The following ICAM3 variants were observed in gnomAD, a reference collection of about 807,000 sequenced individuals.
The protein encoded by ICAM3 is ICAM-3.
A neutral mutation model predicts 43.6 loss-of-function variants in ICAM3; 54 were observed. The observed-to-expected ratio is 1.24, with a 90% confidence interval of 0.99 to 1.55. The LOEUF (loss-of-function observed/expected upper bound fraction) is 1.55. ICAM3 is among the 40% of genes most tolerant of loss of function. The pLI is 0.00. For missense variants in ICAM3, 715 were observed against 717.9 expected (o/e 1.00, Z 0.05); for synonymous variants, 306 against 312.6 (o/e 0.98, Z 0.22).
chr19:10,335,876 G>T lies in ICAM3; in HGVS notation c.444C>A (p.Thr148=). ...AGCGAAGCAGCACCACCGTGAGGCT[G>T]GTCCGGGGCGACCCATCCTCCACTT... ...RCQVEDGSPR[T]SLTVVLLRWE... The change falls in exon 3 of 7, where the codon ACC becomes ACA. Residue 148 remains threonine, a synonymous_variant. Coordinates refer to ENST00000160262, the MANE Select transcript of ICAM3 (RefSeq NM_002162.5). 1 of 1,606,780 alleles carries T rather than the reference G, an allele frequency of 6.2e-7. No individual in the cohort carries two copies.
intron 2 of ICAM3, among the ~76,000 whole-genome samples, 200 bp downstream of exon 2, chr19:10,338,482 G>A (rs138387368): frequency 7.8e-4 from 119 of 151,774 alleles, no homozygotes; most frequent in Non-Finnish European, 7.2e-4. Flanking sequence ...ATTGAGATGC[G>A]TCTCTATATC....
Position 10,334,731 on chromosome 19 carries a change from G to T in ICAM3, c.989C>A (p.Ser330Tyr). 6.2e-7 allele frequency: 1 copy of T among 1,612,788 alleles called. No homozygotes were observed. Among genetic ancestry groups the T allele is most frequent in the Non-Finnish European group, 8.5e-7 (1 of 1,179,634 alleles). Residue 330 changes from serine to tyrosine, a missense_variant, in exon 5 of 7, where the codon TCC (serine) becomes TAC (tyrosine). Transcript: ENST00000160262. This position sits in a 1 kb window ranked among gnomAD's most constrained non-coding sequence, Gnocchi z 5.5. ...NLSEPTAHEG[S>Y]TVTVSCMAGA... ...AGCCATGCAACTCACGGTCACTGTG[G>T]ACCCCTCATGGGCGGTGGGCTCGCT...
rs911015578 is a variant in ICAM3, at chr19:10,335,879, C to G, written c.441G>C (p.Arg147=). The change falls in exon 3 of 7, where the codon CGG becomes CGC. Residue 147 remains arginine, a synonymous_variant. Coordinates refer to ENST00000160262, the MANE Select transcript of ICAM3 (RefSeq NM_002162.5). ...LRCQVEDGSP[R]TSLTVVLLRW... ...GAAGCAGCACCACCGTGAGGCTGGTCCGGGGCGACCCATCCTCCACTTGGC... is the reference window on the plus strand; with the variant it reads ...GAAGCAGCACCACCGTGAGGCTGGTGCGGGGCGACCCATCCTCCACTTGGC... The G allele has an allele frequency of 1.9e-6, 3 of 1,605,844 alleles. No homozygotes were observed. The highest frequency in any genetic ancestry group is 2.5e-6 in the Non-Finnish European group (3 of 1,178,588).
intron 1 of ICAM3, 193 bp downstream of exon 1, chr19:10,339,346 C>A: frequency 1.7e-6 from 1 of 593,328 alleles, no homozygotes; most frequent in South Asian, 2.0e-5. Flanking sequence ...AGAGGGATGG[C>A]GTACAAGCCT....
intron 2 of ICAM3, among the ~76,000 whole-genome samples, chr19:10,337,432 G>A (rs745474418): frequency 0.19 from 20,877 of 108,078 alleles, 1,884 homozygotes; most frequent in Non-Finnish European, 0.23. Context: ...AAAAAAAAAA[G>A]AAAAGAAAAG....
chr19:10,334,516 T>C lies in ICAM3; in HGVS notation c.1192+12A>G. Reference sequence around the variant, plus strand: ...GGGGTGGAGGGATTAAAGGTCAGGGTGACCGACTCACACAGGACTCGCAGC... The same window carrying C: ...GGGGTGGAGGGATTAAAGGTCAGGGCGACCGACTCACACAGGACTCGCAGC... On this transcript the variant is annotated intron_variant, in intron 5 of 6. Coordinates refer to ENST00000160262, the MANE Select transcript of ICAM3 (RefSeq NM_002162.5). The surrounding 1 kb of genome is among the most constrained non-coding windows in gnomAD (Gnocchi z 5.5). 1 of 1,602,904 alleles carries C rather than the reference T, an allele frequency of 6.2e-7. No homozygotes were observed. The highest frequency in any genetic ancestry group is 8.5e-7 in the Non-Finnish European group (1 of 1,172,520).
chr19:10,334,145 C>A lies in ICAM3; in HGVS notation c.1441+15G>T. The stretch of plus-strand genomic sequence containing the variant: ...CGGCTTACCGGTCCAGACCCGCAGC[C>A]CCGTGTTAGCTCACCCTCAATGTCC... On this transcript the variant is annotated intron_variant, in intron 6 of 6. Coordinates refer to ENST00000160262, the MANE Select transcript of ICAM3 (RefSeq NM_002162.5). This position sits in a 1 kb window ranked among gnomAD's most constrained non-coding sequence, Gnocchi z 5.5. 6.2e-7 allele frequency: 1 copy of A among 1,612,520 alleles called. No individual in the cohort carries two copies. Among genetic ancestry groups the A allele is most frequent in the Non-Finnish European group, 8.5e-7 (1 of 1,178,748 alleles).
At chr19:10,338,632 G>A in intron 2 of ICAM3, 50 bp downstream of exon 2, 1 of 1,586,886 alleles carries the variant, frequency 6.3e-7, no homozygotes, top group Non-Finnish European at 8.6e-7. Context: ...TTGGCCACTT[G>A]CCCACACCAC....
rs1186628102 is a variant in ICAM3 at position 10,339,595 on chromosome 19, G to T, written c.20C>A (p.Ser7Tyr). 1.7e-5 allele frequency: 27 copies of T among 1,613,930 alleles called. No individual in the cohort carries two copies. Among genetic ancestry groups the T allele is most frequent in the Non-Finnish European group, 2.1e-5 (25 of 1,179,994 alleles). The change falls in exon 1 of 7, where the codon TCC becomes TAC. Residue 7 changes from serine (S) to tyrosine (Y), a missense_variant. Ser to Tyr is a moderately radical substitution (Grantham distance 144). Transcript: ENST00000160262. ...CCAGCAGGCCCTGGGCCACAACACG[G>T]ATGGTACCATGGTGGCCATTCTGAC... MATMVP[S>Y]VLWPRACWTL...
Position 10,335,908 on chromosome 19 carries a change from G to T in ICAM3, c.412C>A (p.Arg138Ser). Residue 138 changes from arginine (R) to serine (S), a missense_variant, in exon 3 of 7, where the codon CGC becomes AGC. By Grantham distance (110) the Arg-to-Ser change is moderately radical (BLOSUM62 -1). Transcript: ENST00000160262. ...GGCGACCCATCCTCCACTTGGCAGCGCAGGGTGAAGTTCTGGCCCACCGGC... is the reference window on the plus strand; with the variant it reads ...GGCGACCCATCCTCCACTTGGCAGCTCAGGGTGAAGTTCTGGCCCACCGGC... ...WQPVGQNFTL[R>S]CQVEDGSPRT... 6.9e-6 allele frequency: 11 copies of T among 1,593,866 alleles called. No homozygotes were observed. The highest frequency in any genetic ancestry group is 8.5e-6 in the Non-Finnish European group (10 of 1,174,348).
rs368063966 is a variant in ICAM3, at chr19:10,335,258, C to T, written c.745G>A (p.Ala249Thr). The T allele has an allele frequency of 3.1e-6, 5 of 1,613,534 alleles. No homozygotes were observed. The highest frequency in any genetic ancestry group is 4.2e-6 in the Non-Finnish European group (5 of 1,180,026). ...VDCTLDGLFP[A>T]SEAQVYLALG... is the part of the protein sequence containing the mutation. Reference sequence around the variant, plus strand: ...GCCAGGTAGACCTGGGCCTCTGAGGCTGGAAAAAGCCCGTCTAGGGTGCAG... The same window carrying T: ...GCCAGGTAGACCTGGGCCTCTGAGGTTGGAAAAAGCCCGTCTAGGGTGCAG... The change falls in exon 4 of 7, where the codon GCC becomes ACC. Residue 249 changes from alanine to threonine, a missense_variant. Coordinates refer to ENST00000160262, the MANE Select transcript of ICAM3 (RefSeq NM_002162.5).
chr19:10,335,944 G>GC lies in ICAM3; in HGVS notation c.375dup (p.Pro126AlafsTer188). 2 of 1,577,666 alleles carry GC rather than the reference G, an allele frequency of 1.3e-6. No homozygotes were observed. Among genetic ancestry groups the GC allele is most frequent in the Non-Finnish European group, 1.7e-6 (2 of 1,167,620 alleles). On this transcript the variant is annotated frameshift_variant, in exon 3 of 7. Coordinates refer to ENST00000160262, the MANE Select transcript of ICAM3 (RefSeq NM_002162.5). LOFTEE classifies it high-confidence loss of function. ...TTCTGGCCCACCGGCTGCCAAGGAG[G>GC]CAGGGGTGCCAGCTCCACACGCTCC...
At chr19:10,338,093 C>T (rs1241570935) in intron 2 of ICAM3, among the ~76,000 whole-genome samples, 1 of 130,680 alleles carries the variant, frequency 7.7e-6, no homozygotes, top group Admixed American at 7.9e-5. Context: ...TAAGAGACGC[C>T]ATCTCAAAAA....
At position 10,338,694 on chromosome 19, in the gene ICAM3, T is replaced by C; in HGVS notation, c.331A>G (p.Ile111Val). 1.2e-6 allele frequency: 2 copies of C among 1,614,050 alleles called. No homozygotes were observed. Among genetic ancestry groups the C allele is most frequent in the Non-Finnish European group, 1.7e-6 (2 of 1,179,976 alleles). ...CACGTCGACTCACTGTACACGGTGA[T>C]GTTAGAGGAGCCTGTTATCTGAGAG... ...NGSQITGSSN[I>V]TVYRLPERVE... The change falls in exon 2 of 7, where the codon ATC becomes GTC. Residue 111 changes from isoleucine (I) to valine (V), a missense_variant. Coordinates refer to ENST00000160262, the MANE Select transcript of ICAM3 (RefSeq NM_002162.5).
rs1393338079 is a variant in ICAM3, at chr19:10,335,173, G to T, written c.830C>A (p.Thr277Lys). 3 of 1,613,494 alleles carry T rather than the reference G, an allele frequency of 1.9e-6. No individual in the cohort carries two copies. In the East Asian group the frequency reaches 6.7e-5, roughly 36 times the overall value. ...VMNHGDTLTA[T>K]ATATARADQE... The stretch of plus-strand genomic sequence containing the variant: ...ATCCGCGCGCGCCGTGGCTGTGGCT[G>T]TGGCCGTTAGCGTGTCCCCGTGGTT... The change falls in exon 4 of 7, where the codon ACA becomes AAA. Residue 277 changes from threonine to lysine, a missense_variant. Transcript: ENST00000160262.
chr19:10,334,598 G>C lies in ICAM3; in HGVS notation c.1122C>G (p.Phe374Leu). The C allele has an allele frequency of 6.2e-7, 1 of 1,613,814 alleles. No individual in the cohort carries two copies. Residue 374 changes from phenylalanine (F) to leucine (L), a missense_variant, in exon 5 of 7, where the codon TTC becomes TTG. Physicochemically the swap from Phe to Leu is conservative, Grantham distance 22 (BLOSUM62 0). Coordinates refer to ENST00000160262, the MANE Select transcript of ICAM3 (RefSeq NM_002162.5). This position sits in a 1 kb window ranked among gnomAD's most constrained non-coding sequence, Gnocchi z 5.5. ...ATESDDGRSF[F>L]CSATLEVDGE... ...CGTCCACCTCGAGAGTGGCACTGCA[G>C]AAGAAGCTGCGTCCGTCGTCACTCT...
intron 3 of ICAM3, 125 bp downstream of exon 3, chr19:10,335,546 G>T: frequency 8.4e-7 from 1 of 1,192,742 alleles, no homozygotes; most frequent in Non-Finnish European, 1.2e-6. Flanking sequence ...TTGCCCAGTG[G>T]CCGGGGGCTT....
In ICAM3 at chr19:10,339,590, A is replaced by G; in HGVS notation, c.25T>C (p.Leu9=). The G allele has an allele frequency of 1.2e-6, 2 of 1,614,044 alleles. No individual in the cohort carries two copies. Among genetic ancestry groups the G allele is most frequent in the Admixed American group, 1.7e-5 (1 of 60,022 alleles). The change falls in exon 1 of 7, where the codon TTG becomes CTG. Residue 9 remains leucine (L), a synonymous_variant. Transcript: ENST00000160262. MATMVPSV[L]WPRACWTLLV... ...AGAGTCCAGCAGGCCCTGGGCCACA[A>G]CACGGATGGTACCATGGTGGCCATT...
Position 10,338,861 on chromosome 19 carries a change from G to A in ICAM3, c.164C>T (p.Thr55Ile), listed in dbSNP as rs2040625750. 1 of 1,614,164 alleles carries A rather than the reference G, an allele frequency of 6.2e-7. No individual in the cohort carries two copies. The highest frequency in any genetic ancestry group is 8.5e-7 in the Non-Finnish European group (1 of 1,180,038). Residue 55 changes from threonine to isoleucine, a missense_variant, in exon 2 of 7, where the codon ACT becomes ATT. Physicochemically the swap from Thr to Ile is moderately conservative, Grantham distance 89 (BLOSUM62 -1). Transcript: ENST00000160262. ...GATTTTCTCAGAGCTGGGACAATCA[G>A]TACTGCAGTTCACAAACAGGGACCC... ...AGGSLFVNCSTDCPSSEKIAL... is the reference protein window; with the variant it reads ...AGGSLFVNCSIDCPSSEKIAL...
Sources: allele counts gnomAD v4.1 joint callset (sites outside exome capture counted in the v4.1 genomes callset), GRCh38; gene constraint gnomAD v4.1.1; non-coding constraint Gnocchi (gnomAD v3.1); transcripts MANE v1.5; gene names NCBI Gene and HGNC (gene_info 2026-07-23, HGNC 2026-07-21).